The following MTA2 variants were observed in gnomAD, a reference collection of about 807,000 sequenced individuals.
MTA2 encodes the protein metastasis associated 1 family member 2, also known as metastasis-associated protein MTA2.
MTA2 carries 22 observed loss-of-function variants against 87.1 expected under a neutral mutation model. The ratio of observed to expected loss-of-function variants is 0.25; its 90% CI spans 0.18 to 0.36. The LOEUF is 0.36. MTA2 is among the 10% of genes least tolerant of loss of function. The pLI is 1.00. For synonymous variants in MTA2, 314 were observed against 310.1 expected (o/e 1.01, Z -0.13); for missense variants, 542 against 853.2 (o/e 0.64, Z 4.54).
At position 62,601,830 on chromosome 11, in the gene MTA2, G is replaced by T. The variant is rs1192731929; in HGVS notation, c.-380C>A. 2 of 499,524 alleles carry T rather than the reference G, an allele frequency of 4.0e-6. No homozygotes were observed. Among genetic ancestry groups the T allele is most frequent in the Non-Finnish European group, 7.0e-6 (2 of 287,012 alleles). The allele number at this position is 499,524 out of a possible 1,614,324, so 30.9% of individuals were successfully genotyped here. A position where few individuals can be genotyped will look rare whatever the true frequency, so the allele number is the denominator to read the frequency against. ...CCGCCTCAGGGTTCGCCTCCTTCCG[G>T]AACACCTTCGGCCGATCCGGAGAAC... On this transcript the variant is annotated 5_prime_UTR_variant, in exon 1 of 18. Transcript: ENST00000278823.
rs372390387 is a variant in MTA2 at position 62,594,577 on chromosome 11, C to T, written c.1631G>A (p.Arg544Lys). Residue 544 changes from arginine to lysine, a missense_variant, in exon 16 of 18, where the codon AGA (arginine) becomes AAA (lysine). Transcript: ENST00000278823. ...TPRGTKTPIN[R>K]NQLSQNRGLG... ...TCCCCGGTTCTGGGACAGCTGGTTT[C>T]TGTTGATCGGTGTCTTGGTACCCCG... The T allele has an allele frequency of 6.2e-7, 1 of 1,614,150 alleles. No individual in the cohort carries two copies. The highest frequency in any genetic ancestry group is 1.1e-5 in the South Asian group (1 of 91,088).
intron 6 of MTA2, 56 bp from the exon 7 acceptor site, chr11:62,597,768 T>G: frequency 7.1e-7 from 1 of 1,414,538 alleles, no homozygotes; most frequent in Non-Finnish European, 9.9e-7. Flanking sequence ...ACAGTTGGTG[T>G]CTTTTCATTC....
At position 62,594,545 on chromosome 11, in the gene MTA2, C is replaced by G. The variant is rs1417405791; in HGVS notation, c.1663G>C (p.Gly555Arg). The G allele has an allele frequency of 6.2e-7, 1 of 1,614,066 alleles. No individual in the cohort carries two copies. Among genetic ancestry groups the G allele is most frequent in the Non-Finnish European group, 8.5e-7 (1 of 1,180,042 alleles). ...NQLSQNRGLG[G>R]IMVKRAYETM... ...TCATAGGCCCGTTTCACCATAATGC[C>G]CCCCAGTCCCCGGTTCTGGGACAGC... Residue 555 changes from glycine to arginine, a missense_variant, in exon 16 of 18, where the codon GGC becomes CGC. Coordinates refer to ENST00000278823, the MANE Select transcript of MTA2 (RefSeq NM_004739.4).
intron 16 of MTA2, 27 bp from the exon 17 acceptor site, chr11:62,594,434 G>A (rs1942068427): frequency 6.2e-7 from 1 of 1,614,034 alleles, no homozygotes. Context: ...ATGGCACAAT[G>A]AGGGAAGGGA....
chr11:62,593,825 C>T lies in MTA2; in HGVS notation c.*50G>A, dbSNP rs763818789. ...GAAAGGGAAGGGAGGTTTGGGTGCC[C>T]TGGGCATCCACCCTCTACCTCTCAG... On this transcript the variant is annotated 3_prime_UTR_variant, in exon 18 of 18. Coordinates refer to ENST00000278823, the MANE Select transcript of MTA2 (RefSeq NM_004739.4). 6.2e-7 allele frequency: 1 copy of T among 1,607,762 alleles called. No homozygotes were observed. Among genetic ancestry groups the T allele is most frequent in the African/African-American group, 1.3e-5 (1 of 74,700 alleles).
intron 10 of MTA2, 52 bp downstream of exon 10, chr11:62,596,406 G>A: frequency 6.2e-7 from 1 of 1,612,782 alleles, no homozygotes; most frequent in Non-Finnish European, 8.5e-7. Flanking sequence ...CAACTTCAAA[G>A]GCAGAGGTCA....
chr11:62,596,444 A>G lies in MTA2; in HGVS notation c.957+14T>C, dbSNP rs1222070322. 2 of 1,613,668 alleles carry G rather than the reference A, an allele frequency of 1.2e-6. No individual in the cohort carries two copies. The highest frequency in any genetic ancestry group is 1.7e-6 in the Non-Finnish European group (2 of 1,179,800). ...AGGTAGCCTATGGTCCACCCTCCCCAGCCCAGATAATACCTGCTGAATATA... is the reference window on the plus strand; with the variant it reads ...AGGTAGCCTATGGTCCACCCTCCCCGGCCCAGATAATACCTGCTGAATATA... On this transcript the variant is annotated intron_variant, in intron 10 of 17. Transcript: ENST00000278823.
At chr11:62,596,146 A>G (rs747596842) in intron 11 of MTA2, 39 bp from the exon 12 acceptor site, 2 of 1,608,206 alleles carry the variant, frequency 1.2e-6, no homozygotes, top group South Asian at 2.2e-5. Flanking sequence ...AAAACAAGAA[A>G]CTGGTCAAGG....
At position 62,601,458 on chromosome 11, in the gene MTA2, C is replaced by CCCG; in HGVS notation, c.-11_-9dup. ...GTACATGTTGGCCGCCATGGCCGTT[C>CCCG]CCGCCGCCGCCTCCGGCCGCACAAA... is the stretch of plus-strand genomic sequence containing the variant. On this transcript the variant is annotated 5_prime_UTR_variant, in exon 1 of 18. Transcript: ENST00000278823. 1 of 1,608,874 alleles carries CCCG rather than the reference C, an allele frequency of 6.2e-7. No individual in the cohort carries two copies. The highest frequency in any genetic ancestry group is 1.7e-5 in the Admixed American group (1 of 59,860).
chr11:62,600,748 C>G, intron 1 of MTA2, 59 bp from the exon 2 acceptor site: 1 of 1,507,070 alleles, frequency 6.6e-7, no homozygotes, highest in East Asian at 2.3e-5. Flanking sequence ...AGACGCAGAG[C>G]ACCAGGGTAG....
At chr11:62,596,377 A>C in intron 10 of MTA2, 40 bp from the exon 11 acceptor site, 1 of 1,613,708 alleles carries the variant, frequency 6.2e-7, no homozygotes, top group South Asian at 1.1e-5. Context: ...TCAGAGCCTC[A>C]TAGCAGGGAG....
Position 62,595,449 on chromosome 11 carries a change from C to T in MTA2, c.1298G>A (p.Ser433Asn), listed in dbSNP as rs139421444. ...GGCGCTGGTTGTGTAAGGAGAGAGA[C>T]TTTGAGCTTCAGGTCTGGATAAATG... ...RGHLSRPEAQSLSPYTTSANR... is the reference protein window; with the variant it reads ...RGHLSRPEAQNLSPYTTSANR... The change falls in exon 14 of 18, where the codon AGT becomes AAT. Residue 433 changes from serine to asparagine, a missense_variant. Transcript: ENST00000278823. This position sits in a 1 kb window ranked among gnomAD's most constrained non-coding sequence, Gnocchi z 4.9. The T allele has an allele frequency of 1.1e-5, 17 of 1,614,092 alleles. No homozygotes were observed. Among genetic ancestry groups the T allele is most frequent in the African/African-American group, 4.0e-5 (3 of 74,930 alleles).
intron 2 of MTA2, 149 bp from the exon 3 acceptor site, chr11:62,600,408 C>A: frequency 1.2e-6 from 1 of 807,574 alleles, no homozygotes; most frequent in Non-Finnish European, 2.0e-6. Context: ...GACTTACATT[C>A]AAGGATAGAC....
In MTA2 at chr11:62,594,510, A is replaced by C; in HGVS notation, c.1692+6T>G. 1.9e-6 allele frequency: 3 copies of C among 1,613,798 alleles called. No homozygotes were observed. Among genetic ancestry groups the C allele is most frequent in the Non-Finnish European group, 2.5e-6 (3 of 1,179,932 alleles). On this transcript the variant is annotated splice_donor_region_variant and intron_variant, in intron 16 of 17. Transcript: ENST00000278823. ...CAATCTGGCCCACCCCTTTCTGTCA[A>C]CTCACAGTCTCATAGGCCCGTTTCA...
Position 62,596,295 on chromosome 11 carries a change from C to T in MTA2, c.1000G>A (p.Val334Ile). Reference sequence around the variant, plus strand: ...CACACTTACTAGGTGGGAATGTAGACCTGTTTCAGTTTGCTGTCTGCTTCA... The same window carrying T: ...CACACTTACTAGGTGGGAATGTAGATCTGTTTCAGTTTGCTGTCTGCTTCA... ...AAEADSKLKQ[V>I]YIPTYTKPNP... The change falls in exon 11 of 18, where the codon GTC (valine) becomes ATC (isoleucine). Residue 334 changes from valine (V) to isoleucine (I), a missense_variant. By Grantham distance (29) the Val-to-Ile change is conservative. This residue lies in a region of MTA2 where 46 missense variants were observed against 109.1 expected (regional missense o/e 0.42). Transcript: ENST00000278823. 1 of 1,614,126 alleles carries T rather than the reference C, an allele frequency of 6.2e-7. No individual in the cohort carries two copies. Among genetic ancestry groups the T allele is most frequent in the South Asian group, 1.1e-5 (1 of 91,062 alleles).
chr11:62,595,236 C>T lies in MTA2; in HGVS notation c.1483+28G>A, dbSNP rs200854131. 6.2e-7 allele frequency: 1 copy of T among 1,605,800 alleles called. No homozygotes were observed. The highest frequency in any genetic ancestry group is 2.2e-5 in the East Asian group (1 of 44,760). On this transcript the variant is annotated intron_variant, in intron 14 of 17. Transcript: ENST00000278823. This position sits in a 1 kb window ranked among gnomAD's most constrained non-coding sequence, Gnocchi z 4.9. ...CTGGGCAGAGCAATCCGAAACCCAC[C>T]ACCAGTCCCACCACTCCCTGCCCTT...
chr11:62,597,958 ATAATGT>A (rs1457163631), intron 6 of MTA2, 60 bp downstream of exon 6: 6 of 1,384,028 alleles, frequency 4.3e-6, no homozygotes, highest in African/African-American at 1.4e-5. Context: ...CACAGAGACT[ATAATGT>A]TAAAGTGCCC....
At position 62,593,976 on chromosome 11, in the gene MTA2, G is replaced by A. The variant is rs748199521; in HGVS notation, c.1906C>T (p.Leu636=). 4.8e-5 allele frequency: 77 copies of A among 1,614,086 alleles called. No homozygotes were observed. The highest frequency in any genetic ancestry group is 1.5e-4 in the Admixed American group (9 of 60,000). Reference sequence around the variant, plus strand: ...GCAATCAGCGTTGGCTTCACCTTCAGGGGCAAGTTGGGTCGGCGAGCAGCT... The same window carrying A: ...GCAATCAGCGTTGGCTTCACCTTCAAGGGCAAGTTGGGTCGGCGAGCAGCT... The part of the protein sequence containing the change: ...RRAARRPNLP[L]KVKPTLIAVR... Residue 636 remains leucine (L), a synonymous_variant, in exon 18 of 18, where the codon CTG becomes TTG. Transcript: ENST00000278823.
In MTA2 at chr11:62,598,009, T is replaced by C. The variant is rs201713567; in HGVS notation, c.490+15A>G. Reference sequence around the variant, plus strand: ...AGACAACCTGGTAGCCGTACAGTCTTGTCCTGTTGCTTACCCTCTACTAGG... The same window carrying C: ...AGACAACCTGGTAGCCGTACAGTCTCGTCCTGTTGCTTACCCTCTACTAGG... On this transcript the variant is annotated intron_variant, in intron 6 of 17. Transcript: ENST00000278823. 9.4e-6 allele frequency: 15 copies of C among 1,601,294 alleles called. No individual in the cohort carries two copies. The highest frequency in any genetic ancestry group is 1.3e-5 in the Non-Finnish European group (15 of 1,168,380).
Sources: allele counts gnomAD v4.1 joint callset, GRCh38; gene constraint gnomAD v4.1.1; regional missense constraint gnomAD v4.1.1; non-coding constraint Gnocchi (gnomAD v3.1); transcripts MANE v1.5; gene names NCBI Gene and HGNC (gene_info 2026-07-23, HGNC 2026-07-21).